FOXN3: variants seen among roughly 807,000 people sequenced by gnomAD.
The protein encoded by FOXN3 is forkhead box N3.
FOXN3 carries 7 observed loss-of-function variants against 38.4 expected under a neutral mutation model. The observed-to-expected ratio is 0.18, with a 90% confidence interval of 0.10 to 0.34. The LOEUF is 0.34. FOXN3 is among the 10% of genes least tolerant of loss of function. The probability of loss-of-function intolerance (pLI) is 1.00; values close to 1 mark genes in which losing one functional copy is unlikely to be tolerated. For synonymous variants in FOXN3, 230 were observed against 242.2 expected (o/e 0.95, Z 0.47); for missense variants, 456 against 613.4 (o/e 0.74, Z 2.71).
intron 1 of FOXN3, among the ~76,000 whole-genome samples, chr14:89,512,856 C>T (rs912913561): frequency 2.0e-5 from 3 of 152,160 alleles, no homozygotes; most frequent in African/African-American, 7.2e-5. Context: ...AAGAAAGAAA[C>T]TAGGCTGGGT....
intron 1 of FOXN3, among the ~76,000 whole-genome samples, chr14:89,579,812 C>G (rs1895709251): frequency 6.6e-6 from 1 of 152,178 alleles, no homozygotes; most frequent in Non-Finnish European, 1.5e-5. Flanking sequence ...CCCATAGTAT[C>G]TTGTATATTT....
intron 3 of FOXN3, among the ~76,000 whole-genome samples, chr14:89,349,090 G>T (rs767060486): frequency 7.2e-5 from 11 of 152,118 alleles, no homozygotes; most frequent in Non-Finnish European, 1.6e-4. Flanking sequence ...GGTGGGGGTA[G>T]AATGACAAAG....
intron 1 of FOXN3, among the ~76,000 whole-genome samples, chr14:89,439,174 C>A (rs1262775885): frequency 2.6e-5 from 4 of 152,194 alleles, no homozygotes; most frequent in African/African-American, 9.6e-5. Flanking sequence ...CATAGCTTTA[C>A]ACAGACTAGC....
At chr14:89,196,182 T>C (rs1243410791) in intron 4 of FOXN3, among the ~76,000 whole-genome samples, 1 of 152,236 alleles carries the variant, frequency 6.6e-6, no homozygotes, top group East Asian at 1.9e-4. Flanking sequence ...TCCTCTTCTT[T>C]TGAATGTACA....
intron 4 of FOXN3, among the ~76,000 whole-genome samples, chr14:89,251,626 A>G (rs1293989598): frequency 6.6e-6 from 1 of 152,218 alleles, no homozygotes; most frequent in Admixed American, 6.5e-5. Context: ...GAGTACATGG[A>G]CCTAATCAAG....
intron 4 of FOXN3, among the ~76,000 whole-genome samples, chr14:89,252,654 C>CAA (rs397827971): frequency 9.9e-4 from 93 of 93,888 alleles, no homozygotes; most frequent in African/African-American, 2.0e-3. Context: ...AACTCTATCT[C>CAA]AAAAAAAAAA....
At chr14:89,265,021 C>T (rs1299081027) in intron 4 of FOXN3, among the ~76,000 whole-genome samples, 1 of 152,048 alleles carries the variant, frequency 6.6e-6, no homozygotes. Flanking sequence ...CACCAGTCAC[C>T]AAATTATTAT....
rs555730139 is a variant in FOXN3, at chr14:89,587,657, C to T, written c.-15+31371G>A. Among the ~76,000 whole-genome samples, 21 of 152,182 alleles carry T rather than the reference C, an allele frequency of 1.4e-4. No individual in the cohort carries two copies. The South Asian group carries it at 4.3e-3, about 32-fold the overall frequency. On this transcript the variant is annotated intron_variant, in intron 1 of 6. Coordinates refer to the FOXN3 transcript ENST00000345097. ...CAGAGGCGGGCAGATCACTTGAGGT[C>T]AGCAGTTTGAGACCAGCCTGGACGA...
At chr14:89,321,728 T>G (rs115568697) in intron 3 of FOXN3, among the ~76,000 whole-genome samples, 1 of 152,308 alleles carries the variant, frequency 6.6e-6, no homozygotes, top group African/African-American at 2.4e-5. Flanking sequence ...GCATTCAATT[T>G]TGTTTGTTTA....
chr14:89,316,559 T>C (rs928557385), intron 3 of FOXN3, among the ~76,000 whole-genome samples: 2 of 151,714 alleles, frequency 1.3e-5, no homozygotes, highest in East Asian at 1.9e-4. Context: ...TGGAGTCTCA[T>C]TATGTTGCCC....
chr14:89,178,725 TA>T, intron 5 of FOXN3, among the ~76,000 whole-genome samples: 2 of 152,352 alleles, frequency 1.3e-5, no homozygotes, highest in East Asian at 3.9e-4. Flanking sequence ...TTTGTCATCA[TA>T]AATGCCATGA....
intron 4 of FOXN3, among the ~76,000 whole-genome samples, chr14:89,232,200 G>A (rs775587104): frequency 2.1e-4 from 32 of 152,206 alleles, no homozygotes; most frequent in Non-Finnish European, 4.4e-4. Context: ...GAACCCAGAA[G>A]GTTCCTATAA....
At chr14:89,347,983 C>G (rs185046011) in intron 3 of FOXN3, among the ~76,000 whole-genome samples, 1 of 151,898 alleles carries the variant, frequency 6.6e-6, no homozygotes, top group Non-Finnish European at 1.5e-5. Context: ...AACAGAGGCA[C>G]GGGTCTACAC....
intron 2 of FOXN3, among the ~76,000 whole-genome samples, chr14:89,391,395 C>T (rs1359775058): frequency 6.6e-6 from 1 of 152,182 alleles, no homozygotes; most frequent in Non-Finnish European, 1.5e-5. Context: ...CAAAGACAGG[C>T]ATCCCGTCCC....
chr14:89,596,373 G>C (rs919142717), intron 1 of FOXN3, among the ~76,000 whole-genome samples: 2 of 152,154 alleles, frequency 1.3e-5, no homozygotes, highest in Non-Finnish European at 2.9e-5. Context: ...CTGACCTCAA[G>C]TGATCCTCCC....
At chr14:89,334,003 T>G (rs1266972558) in intron 3 of FOXN3, among the ~76,000 whole-genome samples, 1 of 59,554 alleles carries the variant, frequency 1.7e-5, no homozygotes, top group Admixed American at 2.5e-4. Flanking sequence ...TATATATATA[T>G]ATATATGTAT....
chr14:89,452,552 G>T (rs1892634244), intron 1 of FOXN3, among the ~76,000 whole-genome samples: 2 of 152,224 alleles, frequency 1.3e-5, no homozygotes, highest in Non-Finnish European at 2.9e-5. Context: ...GCCTGCTGGG[G>T]AAAGCCCGTT....
At chr14:89,487,382 C>T (rs919083513) in intron 1 of FOXN3, among the ~76,000 whole-genome samples, 1 of 152,152 alleles carries the variant, frequency 6.6e-6, no homozygotes, top group Non-Finnish European at 1.5e-5. Context: ...ATTAGATCGG[C>T]GGTTCCCAAA....
chr14:89,296,404 G>C (rs1003369228), intron 3 of FOXN3, among the ~76,000 whole-genome samples: 2 of 152,092 alleles, frequency 1.3e-5, no homozygotes, highest in Non-Finnish European at 2.9e-5. Flanking sequence ...GATTTAAATG[G>C]GCCACTCTAT....
Sources: gnomAD v4.1 joint callset for allele counts (sites outside exome capture counted in the v4.1 genomes callset) on GRCh38, gnomAD v4.1.1 for gene constraint, MANE v1.5 for transcripts, NCBI Gene and HGNC (gene_info 2026-07-23, HGNC 2026-07-21) for gene names.